FMR1: variants seen among roughly 807,000 people sequenced by gnomAD.
The protein encoded by FMR1 is fragile X messenger ribonucleoprotein 1, also known as FMRP translational regulator 1.
In FMR1, 13 loss-of-function variants were observed where a neutral mutation model predicts 50.6. That is an observed-to-expected ratio of 0.26 (90% CI 0.17 to 0.41). The LOEUF is 0.41. Ranked by LOEUF, FMR1 falls within the 10% of genes least tolerant of loss-of-function variation. The probability of loss-of-function intolerance (pLI) is 1.00; values close to 1 mark genes in which losing one functional copy is unlikely to be tolerated. For synonymous variants in FMR1, 138 were observed against 164.1 expected (o/e 0.84, Z 1.22); for missense variants, 316 against 491.3 (o/e 0.64, Z 3.37).
At position 147,945,844 on chromosome X, in the gene FMR1, T is replaced by C. The variant is rs539224955; in HGVS notation, c.1737+228T>C. 98 of 326,359 alleles carry C rather than the reference T, an allele frequency of 3.0e-4. 2 individuals carry two copies. In the South Asian group the frequency reaches 6.9e-3, roughly 23 times the overall value. 26.9% of individuals were successfully genotyped at this position (326,359 alleles called of 1,213,427 possible). A position where few individuals can be genotyped will look rare whatever the true frequency, so the allele number is the denominator to read the frequency against. ...GCAGTCTGAGTATTTGTGAAGACCT[T>C]GACAGCCACACTATGATTTTATTAT... On this transcript the variant is annotated intron_variant, in intron 16 of 16. Coordinates refer to ENST00000370475, the MANE Select transcript of FMR1 (RefSeq NM_002024.6).
In FMR1 at chrX:147,926,364, T is replaced by A. The variant is rs183433512; in HGVS notation, c.198+731T>A. ...TCTTTTTCTACAATAATAAGCATAATGCCTTACTATTAGTTAATAATAGTT... is the reference window on the plus strand; with the variant it reads ...TCTTTTTCTACAATAATAAGCATAAAGCCTTACTATTAGTTAATAATAGTT... On this transcript the variant is annotated intron_variant, in intron 3 of 16. Coordinates refer to ENST00000370475, the MANE Select transcript of FMR1 (RefSeq NM_002024.6). Among the ~76,000 whole-genome samples, 567 of 112,239 alleles carry A rather than the reference T, an allele frequency of 5.1e-3. 1 individual carries two copies. The highest frequency in any genetic ancestry group is 8.8e-3 in the Non-Finnish European group (471 of 53,280).
chrX:147,929,966 A>T lies in FMR1; in HGVS notation c.438A>T (p.Ala146=). 1 of 1,201,244 alleles carries T rather than the reference A, an allele frequency of 8.3e-7. No homozygotes were observed. The highest frequency in any genetic ancestry group is 1.1e-6 in the Non-Finnish European group (1 of 886,551). The change falls in exon 6 of 17, where the codon GCA becomes GCT. Residue 146 remains alanine, a synonymous_variant. Transcript: ENST00000370475. The stretch of plus-strand genomic sequence containing the variant: ...TTTCTAGGTGTGCCAAAGAGGCGGC[A>T]CATAAGGATTTTAAAAAGGCAGTTG... ...DLRQMCAKEA[A]HKDFKKAVGA... is the part of the protein sequence containing the mutation.
chrX:147,920,787 A>G (rs2043123921), intron 1 of FMR1, among the ~76,000 whole-genome samples: 1 of 112,135 alleles, frequency 8.9e-6, no homozygotes, highest in Non-Finnish European at 1.9e-5. Context: ...GTTGAAGTTG[A>G]CATCTGAACT....
intron 7 of FMR1, among the ~76,000 whole-genome samples, chrX:147,930,533 ATGT>A (rs1258268997): frequency 2.7e-5 from 3 of 111,840 alleles, no homozygotes; most frequent in Non-Finnish European, 5.7e-5. Context: ...TCCATATAAC[ATGT>A]TGTCATTAAA....
chrX:147,939,902 C>T (rs868985791), intron 12 of FMR1, among the ~76,000 whole-genome samples: 1 of 45,496 alleles, frequency 2.2e-5, no homozygotes, highest in African/African-American at 8.4e-5. Flanking sequence ...GACCCTGTCT[C>T]AAAAAAAAAA....
At chrX:147,939,272 A>AAT (rs1235689965) in intron 12 of FMR1, among the ~76,000 whole-genome samples, 2,659 of 108,357 alleles carry the variant, frequency 0.025, 94 homozygotes, top group African/African-American at 0.085. Context: ...TTTCCCTCTT[A>AAT]ATATATATAT....
At chrX:147,943,604 TAACTGTATAGTCAA>T (rs2044078717) in intron 14 of FMR1, 1 of 342,857 alleles carries the variant, frequency 2.9e-6, no homozygotes. Context: ...CCTGATTTTA[TAACTGTATAGTCAA>T]AACTTTTTTC....
At chrX:147,933,369 TA>T in intron 9 of FMR1, 1 of 757,584 alleles carries the variant, frequency 1.3e-6, no homozygotes, top group Non-Finnish European at 1.8e-6. Context: ...TATGGGACTA[TA>T]AAATGATAGC....
At chrX:147,925,426 C>T (rs2043353245) in intron 2 of FMR1, 114 bp from the exon 3 acceptor site, 1 of 594,183 alleles carries the variant, frequency 1.7e-6, no homozygotes, top group Non-Finnish European at 2.9e-6. Flanking sequence ...GCTTTTGCTT[C>T]TTGAAACTAG....
chrX:147,948,026 A>G (rs2044236969), intron 16 of FMR1, among the ~76,000 whole-genome samples: 3 of 111,932 alleles, frequency 2.7e-5, no homozygotes, highest in African/African-American at 6.5e-5. Flanking sequence ...CCTTCCACAA[A>G]TTATTATATG....
chrX:147,916,399 C>A (rs909983051), intron 1 of FMR1, among the ~76,000 whole-genome samples: 2 of 110,845 alleles, frequency 1.8e-5, no homozygotes, highest in African/African-American at 3.3e-5. Context: ...TCTCTTTATT[C>A]TTTTATGTTG....
At chrX:147,941,355 G>C (rs1468204249) in intron 13 of FMR1, among the ~76,000 whole-genome samples, 5 of 111,982 alleles carry the variant, frequency 4.5e-5, no homozygotes, top group African/African-American at 1.6e-4. Flanking sequence ...TGGCCAAAAT[G>C]TTCTATACTT....
chrX:147,921,779 C>G (rs1302688862), intron 1 of FMR1, among the ~76,000 whole-genome samples, 154 bp from the exon 2 acceptor site: 1 of 111,642 alleles, frequency 9.0e-6, no homozygotes, highest in African/African-American at 3.3e-5. Context: ...TATAGATGTG[C>G]TTAATGAATA....
chrX:147,923,713 G>A (rs782264973), intron 2 of FMR1, among the ~76,000 whole-genome samples: 6 of 111,693 alleles, frequency 5.4e-5, no homozygotes, highest in African/African-American at 1.6e-4. Flanking sequence ...TTCTCTTCAA[G>A]CTCTTTGTCA....
intron 16 of FMR1, chrX:147,946,999 A>T (rs2044189629): frequency 8.9e-6 from 1 of 112,561 alleles, no homozygotes; most frequent in African/African-American, 3.2e-5. Context: ...ACTTAAACTG[A>T]TATGTTTGAT....
chrX:147,920,168 C>A (rs1339302501), intron 1 of FMR1, among the ~76,000 whole-genome samples: 8 of 112,079 alleles, frequency 7.1e-5, no homozygotes, highest in African/African-American at 2.6e-4. Flanking sequence ...GTCTTTGATG[C>A]ATATTCATTG....
intron 4 of FMR1, 21 bp downstream of exon 4, chrX:147,928,414 AT>A: frequency 8.7e-7 from 1 of 1,148,321 alleles, no homozygotes. Context: ...GCCTATTTAA[AT>A]TTTTTTCTTA....
chrX:147,945,663 G>A, intron 16 of FMR1, 47 bp downstream of exon 16: 2 of 918,043 alleles, frequency 2.2e-6, no homozygotes, highest in South Asian at 4.1e-5. Flanking sequence ...GAATATGGTA[G>A]TTTGAGATTT....
chrX:147,950,644 G>A lies in FMR1; in HGVS notation c.*1800G>A, dbSNP rs957347487. 39 of 326,956 alleles carry A rather than the reference G, an allele frequency of 1.2e-4. No individual in the cohort carries two copies. Among genetic ancestry groups the A allele is most frequent in the Non-Finnish European group, 2.2e-4 (37 of 169,009 alleles). 26.9% of individuals were successfully genotyped at this position (326,956 alleles called of 1,213,427 possible). ...TTTGATCTTCCTCTGCTAAATTGAT[G>A]TTGATGCAATCCTTACAAATGATTG... On this transcript the variant is annotated 3_prime_UTR_variant, in exon 17 of 17. Coordinates refer to ENST00000370475, the MANE Select transcript of FMR1 (RefSeq NM_002024.6).
Sources: allele counts gnomAD v4.1 joint callset (sites outside exome capture counted in the v4.1 genomes callset), GRCh38; gene constraint gnomAD v4.1.1; transcripts MANE v1.5; gene names NCBI Gene and HGNC (gene_info 2026-07-23, HGNC 2026-07-21).